Variants in PDE9A observed in about 807,000 individuals in gnomAD.
PDE9A encodes phosphodiesterase 9A, also known as high affinity cGMP-specific 3',5'-cyclic phosphodiesterase 9A.
A neutral mutation model predicts 87.4 loss-of-function variants in PDE9A; 60 were observed. The ratio of observed to expected loss-of-function variants is 0.69; its 90% confidence interval spans 0.56 to 0.85. The LOEUF is 0.85. PDE9A is among the 40% of genes least tolerant of loss of function. PDE9A has a pLI of 0.00. For missense variants in PDE9A, 665 were observed against 779.0 expected (o/e 0.85, Z 1.74); for synonymous variants, 272 against 279.4 (o/e 0.97, Z 0.27).
intron 4 of PDE9A, among the ~76,000 whole-genome samples, chr21:42,716,734 A>G (rs1266065640): frequency 1.4e-5 from 2 of 144,636 alleles, no homozygotes; most frequent in African/African-American, 5.1e-5. Context: ...CCATAATACA[A>G]TATTATAATT....
intron 1 of PDE9A, among the ~76,000 whole-genome samples, chr21:42,684,803 C>T (rs1602037588): frequency 1.3e-5 from 2 of 152,032 alleles, no homozygotes; most frequent in Admixed American, 1.3e-4. Flanking sequence ...CACCTTTGAC[C>T]GACCGTTACC....
rs200399557 is a variant in PDE9A at position 42,684,283 on chromosome 21, T to G, written c.70-1909T>G. On this transcript the variant is annotated intron_variant, in intron 1 of 19. Coordinates refer to ENST00000291539, the MANE Select transcript of PDE9A (RefSeq NM_002606.3). ...TCTTCCACCCCTGCCCTCTGCAGAC[T>G]GGGGTTCTGTAGACCCCCAAAGTAA... Among the ~76,000 whole-genome samples the G allele has an allele frequency of 1.2e-4, 18 of 152,324 alleles. No individual in the cohort carries two copies. In the East Asian group the frequency reaches 3.5e-3, roughly 29 times the overall value.
At chr21:42,772,571 C>G in intron 19 of PDE9A, 51 bp downstream of exon 19, 1 of 1,252,688 alleles carries the variant, frequency 8.0e-7, no homozygotes, top group African/African-American at 1.5e-5. Flanking sequence ...ATGATTCTGA[C>G]AAAGGACAGA....
intron 7 of PDE9A, among the ~76,000 whole-genome samples, chr21:42,737,158 G>A (rs137949450): frequency 1.3e-3 from 205 of 152,356 alleles, no homozygotes; most frequent in Middle Eastern, 6.8e-3. Context: ...CTAGCCAGAT[G>A]GGGAAGGCGG....
At chr21:42,684,317 C>T (rs2059325794) in intron 1 of PDE9A, among the ~76,000 whole-genome samples, 1 of 152,222 alleles carries the variant, frequency 6.6e-6, no homozygotes, top group African/African-American at 2.4e-5. Flanking sequence ...AAGTCCGCCA[C>T]ACCGGAAGGA....
intron 1 of PDE9A, among the ~76,000 whole-genome samples, chr21:42,685,145 C>T (rs529387353): frequency 6.6e-6 from 1 of 152,358 alleles, no homozygotes; most frequent in Admixed American, 6.5e-5. Context: ...GGCGGGGCCT[C>T]GGCGTGGCCC....
chr21:42,691,705 A>G (rs79534555), intron 3 of PDE9A, among the ~76,000 whole-genome samples: 18,941 of 151,280 alleles, frequency 0.13, 1,288 homozygotes, highest in Middle Eastern at 0.2. Context: ...ATCCAAAGTC[A>G]CCAGCCTCTT....
chr21:42,698,996 A>C lies in PDE9A; in HGVS notation c.247A>C (p.Ile83Leu). Residue 83 changes from isoleucine (I) to leucine (L), a missense_variant, in exon 4 of 20, where the codon ATC (isoleucine) becomes CTC (leucine). Ile to Leu is a conservative substitution (Grantham distance 5). Coordinates refer to ENST00000291539, the MANE Select transcript of PDE9A (RefSeq NM_002606.3). ...RTPYKVRPVA[I>L]KQLSAGVEDK... Reference sequence around the variant, plus strand: ...TCCGTACAAAGTGAGACCTGTGGCCATCAAGCAACTCTCCGGTAAGGCCCT... The same window carrying C: ...TCCGTACAAAGTGAGACCTGTGGCCCTCAAGCAACTCTCCGGTAAGGCCCT... The C allele has an allele frequency of 1.2e-6, 2 of 1,612,618 alleles. No individual in the cohort carries two copies. Among genetic ancestry groups the C allele is most frequent in the South Asian group, 1.1e-5 (1 of 91,034 alleles).
At chr21:42,670,971 A>T (rs994338464) in intron 1 of PDE9A, among the ~76,000 whole-genome samples, 1 of 152,150 alleles carries the variant, frequency 6.6e-6, no homozygotes, top group Admixed American at 6.5e-5. Flanking sequence ...TTAAACCATG[A>T]CTTAGAGATA....
At chr21:42,745,949 C>A (rs965047498) in intron 8 of PDE9A, among the ~76,000 whole-genome samples, 1 of 152,252 alleles carries the variant, frequency 6.6e-6, no homozygotes, top group African/African-American at 2.4e-5. Context: ...GTGTCTGGAG[C>A]CAGGCCATGC....
At chr21:42,670,325 TTC>T (rs2058406180) in intron 1 of PDE9A, among the ~76,000 whole-genome samples, 1 of 71,162 alleles carries the variant, frequency 1.4e-5, no homozygotes, top group Non-Finnish European at 2.5e-5. Flanking sequence ...CACACTCACA[TTC>T]ACACACATTC....
intron 7 of PDE9A, 147 bp downstream of exon 7, chr21:42,733,573 G>A (rs552250902): frequency 3.2e-5 from 20 of 631,850 alleles, no homozygotes; most frequent in South Asian, 3.0e-4. Flanking sequence ...TACCTTTGAT[G>A]TTAACAAAGG....
chr21:42,661,977 C>G (rs1197839563), intron 1 of PDE9A, among the ~76,000 whole-genome samples: 1 of 152,156 alleles, frequency 6.6e-6, no homozygotes, highest in African/African-American at 2.4e-5. Flanking sequence ...CATTTGTCTG[C>G]GCTTGAGCCC....
Position 42,671,473 on chromosome 21 carries a change from TTGTC to T in PDE9A, c.70-14716_70-14713del, listed in dbSNP as rs775652381. 1.3e-4 allele frequency among the ~76,000 whole-genome samples: 20 copies of T among 152,332 alleles called. 2 individuals are homozygous for T. The highest frequency in any genetic ancestry group is 9.2e-4 in the Admixed American group (14 of 15,300). On this transcript the variant is annotated intron_variant, in intron 1 of 19. Coordinates refer to ENST00000291539, the MANE Select transcript of PDE9A (RefSeq NM_002606.3). Reference sequence around the variant, plus strand: ...ATTTTAGCAAATAGAGAAGCAGTGATTGTCTGGCGGTTAACTGTAATCCATTCTG... The same window carrying T: ...ATTTTAGCAAATAGAGAAGCAGTGATTGGCGGTTAACTGTAATCCATTCTG...
At chr21:42,712,019 A>G (rs1326843363) in intron 4 of PDE9A, among the ~76,000 whole-genome samples, 1 of 151,940 alleles carries the variant, frequency 6.6e-6, no homozygotes, top group African/African-American at 2.4e-5. Flanking sequence ...TTTTGACTGT[A>G]TAGGTTCTTT....
intron 1 of PDE9A, among the ~76,000 whole-genome samples, chr21:42,670,616 C>G (rs1362811336): frequency 6.6e-6 from 1 of 151,252 alleles, no homozygotes; most frequent in Admixed American, 6.6e-5. Context: ...CACACACTAT[C>G]ACATTCACAC....
chr21:42,728,339 T>C (rs1468910478), intron 4 of PDE9A, among the ~76,000 whole-genome samples: 1 of 152,174 alleles, frequency 6.6e-6, no homozygotes, highest in Non-Finnish European at 1.5e-5. Flanking sequence ...AAGGTTATGG[T>C]TGATGCTTTT....
rs535849160 is a variant in PDE9A at position 42,738,755 on chromosome 21, G to A, written c.569-5021G>A. ...CAGTGGAGTGCAGTGGTGTGATCTT[G>A]GCCCACTGCAACCTCCACCTCCCGG... On this transcript the variant is annotated intron_variant, in intron 7 of 19. Transcript: ENST00000291539. Among the ~76,000 whole-genome samples the A allele has an allele frequency of 2.0e-5, 3 of 152,224 alleles. No individual in the cohort carries two copies. In the East Asian group the frequency reaches 5.8e-4, roughly 29 times the overall value.
At chr21:42,763,693 C>T (rs2056061981) in intron 14 of PDE9A, among the ~76,000 whole-genome samples, 1 of 152,190 alleles carries the variant, frequency 6.6e-6, no homozygotes, top group Non-Finnish European at 1.5e-5. Context: ...ACAAGGCAGA[C>T]CTCAGCCATT....
Sources: allele counts gnomAD v4.1 joint callset (sites outside exome capture counted in the v4.1 genomes callset), GRCh38; gene constraint gnomAD v4.1.1; transcripts MANE v1.5; gene names NCBI Gene and HGNC (gene_info 2026-07-23, HGNC 2026-07-21).